The following RAB11FIP3 variants were observed in gnomAD, a reference collection of about 807,000 sequenced individuals.
The protein encoded by RAB11FIP3 is rab11 family-interacting protein 3.
RAB11FIP3 carries 17 observed loss-of-function variants against 77.8 expected under a neutral mutation model. The ratio of observed to expected loss-of-function variants is 0.22; its 90% CI spans 0.15 to 0.33. RAB11FIP3 has a LOEUF of 0.33. Among genes scored for constraint, RAB11FIP3 ranks in the 10% least tolerant of loss-of-function variants. The pLI, the probability that RAB11FIP3 is intolerant of heterozygous loss-of-function variation, is 1.00. For missense variants in RAB11FIP3, 1,005 were observed against 1,011.2 expected (o/e 0.99, Z 0.08); for synonymous variants, 437 against 448.2 (o/e 0.98, Z 0.31).
chr16:471,515 C>A lies in RAB11FIP3; in HGVS notation c.903+126C>A. On this transcript the variant is annotated intron_variant, in intron 3 of 13. Transcript: ENST00000262305. This position sits in a 1 kb window ranked among gnomAD's most constrained non-coding sequence, Gnocchi z 4.4. ...AAGCTGGCGTGAAGGAAGGGCCTCC[C>A]GCCCTGTGTGCACCGTGGGGCTCTG... 1.3e-6 allele frequency: 1 copy of A among 799,830 alleles called. No homozygotes were observed. The highest frequency in any genetic ancestry group is 2.1e-6 in the Non-Finnish European group (1 of 483,046). 49.5% of individuals were successfully genotyped at this position (799,830 alleles called of 1,614,324 possible).
Position 436,337 on chromosome 16 carries a change from A to C in RAB11FIP3, c.714+9617A>C, listed in dbSNP as rs7204572. 6.0e-3 allele frequency among the ~76,000 whole-genome samples: 917 copies of C among 152,100 alleles called. 15 individuals carry two copies. The highest frequency in any genetic ancestry group is 0.021 in the African/African-American group (868 of 41,522). ...GAAGAAGAAAAGAGATGGGATCTCA[A>C]TTTGTTGTCTAGGCTGGAGTGCAGT... On this transcript the variant is annotated intron_variant, in intron 1 of 13. Transcript: ENST00000262305.
At chr16:515,016 G>A (rs1185964185) in intron 9 of RAB11FIP3, among the ~76,000 whole-genome samples, 2 of 152,130 alleles carry the variant, frequency 1.3e-5, no homozygotes, top group Non-Finnish European at 2.9e-5. Context: ...AGACTCCCCT[G>A]AGCCTGATAA....
chr16:461,545 C>A lies in RAB11FIP3; in HGVS notation c.808+48C>A, dbSNP rs751610526. ...TCCCACCTCCTCTCCCGTTCCTCAG[C>A]CACCCTCTCAGCCACCTGCACATCA... On this transcript the variant is annotated intron_variant, in intron 2 of 13. Coordinates refer to ENST00000262305, the MANE Select transcript of RAB11FIP3 (RefSeq NM_014700.4). The surrounding 1 kb of genome is among the most constrained non-coding windows in gnomAD (Gnocchi z 4.5). The A allele has an allele frequency of 1.3e-6, 2 of 1,506,568 alleles. No individual in the cohort carries two copies. Among genetic ancestry groups the A allele is most frequent in the Admixed American group, 3.4e-5 (2 of 59,412 alleles). The allele number at this position is 1,506,568 out of a possible 1,614,324, so 93.3% of individuals were successfully genotyped here.
chr16:435,191 C>T (rs1190799650), intron 1 of RAB11FIP3, among the ~76,000 whole-genome samples: 4 of 144,938 alleles, frequency 2.8e-5, no homozygotes, highest in African/African-American at 5.3e-5. Flanking sequence ...GGCGACAGAG[C>T]GAGACTCCGT....
chr16:503,085 C>T lies in RAB11FIP3; in HGVS notation c.1383C>T (p.Asp461=). 2 of 1,611,660 alleles carry T rather than the reference C, an allele frequency of 1.2e-6. No individual in the cohort carries two copies. Among genetic ancestry groups the T allele is most frequent in the South Asian group, 1.1e-5 (1 of 90,938 alleles). ...SPELMEGPEE[D]IADKVVFLER... is the part of the protein sequence containing the mutation. ...AGCTCATGGAGGGCCCAGAGGAGGACATTGCTGACAAGGTAGGCCCTGGAG... is the reference window on the plus strand; with the variant it reads ...AGCTCATGGAGGGCCCAGAGGAGGATATTGCTGACAAGGTAGGCCCTGGAG... The change falls in exon 7 of 14, where the codon GAC becomes GAT. Residue 461 remains aspartate, a synonymous_variant. Coordinates refer to ENST00000262305, the MANE Select transcript of RAB11FIP3 (RefSeq NM_014700.4).
At chr16:484,420 C>G (rs1332389262) in intron 4 of RAB11FIP3, among the ~76,000 whole-genome samples, 1 of 151,914 alleles carries the variant, frequency 6.6e-6, no homozygotes, top group African/African-American at 2.4e-5. Context: ...GGTGCGATCT[C>G]AGCTCACTGC....
chr16:488,864 G>A lies in RAB11FIP3; in HGVS notation c.1129G>A (p.Gly377Ser). ...TTTACTTTGCAGGCCTCACCCCCATGGCCAGTCTGTCATCACGGTGATCGG... is the reference window on the plus strand; with the variant it reads ...TTTACTTTGCAGGCCTCACCCCCATAGCCAGTCTGTCATCACGGTGATCGG... ...LLLPGRPHPH[G>S]QSVITVIGGE... Residue 377 changes from glycine to serine, a missense_variant, in exon 5 of 14, where the codon GGC becomes AGC. By Grantham distance (56) the Gly-to-Ser change is moderately conservative. This residue lies in a region of RAB11FIP3 where 433 missense variants were observed against 436.1 expected (regional missense o/e 0.99). Transcript: ENST00000262305. 6.2e-7 allele frequency: 1 copy of A among 1,614,002 alleles called. No individual in the cohort carries two copies. Among genetic ancestry groups the A allele is most frequent in the Non-Finnish European group, 8.5e-7 (1 of 1,179,964 alleles).
Position 521,447 on chromosome 16 carries a change from C to T in RAB11FIP3, c.*608C>T, listed in dbSNP as rs183021296. 3.6e-3 allele frequency: 561 copies of T among 156,422 alleles called. 29 individuals are homozygous for T. The highest frequency in any genetic ancestry group is 0.032 in the Admixed American group (522 of 16,070). The allele number at this position is 156,422 out of a possible 1,614,324, so 9.7% of individuals were successfully genotyped here. On this transcript the variant is annotated 3_prime_UTR_variant, in exon 14 of 14. Coordinates refer to ENST00000262305, the MANE Select transcript of RAB11FIP3 (RefSeq NM_014700.4). ...GGGTGGGCAAGGCTGGTGCGTTCCC[C>T]AGCTCTCCCTACGCTGCTCGGGCCA...
intron 9 of RAB11FIP3, among the ~76,000 whole-genome samples, chr16:511,452 C>T (rs531164642): frequency 3.8e-5 from 5 of 132,860 alleles, no homozygotes; most frequent in South Asian, 5.3e-4. Context: ...CCCGACAGTC[C>T]GCCAACCCCA....
intron 5 of RAB11FIP3, among the ~76,000 whole-genome samples, chr16:492,899 A>G (rs1413894199): frequency 6.6e-6 from 1 of 152,190 alleles, no homozygotes; most frequent in Non-Finnish European, 1.5e-5. Flanking sequence ...GCTAAGTACA[A>G]CTAGCAAGTC....
intron 1 of RAB11FIP3, among the ~76,000 whole-genome samples, chr16:437,233 G>A (rs1039551771): frequency 8.6e-5 from 13 of 151,558 alleles, no homozygotes; most frequent in Non-Finnish European, 1.9e-4. Flanking sequence ...AGGCAAGATC[G>A]CGCCACTGCA....
At position 520,175 on chromosome 16, in the gene RAB11FIP3, G is replaced by A; in HGVS notation, c.1914G>A (p.Glu638=). Residue 638 remains glutamate, a synonymous_variant, in exon 12 of 14, where the codon GAG becomes GAA. Coordinates refer to ENST00000262305, the MANE Select transcript of RAB11FIP3 (RefSeq NM_014700.4). ...QLEHLQLLKL[E]AEQRRGRSSS... ...AGCACCTGCAGCTCCTCAAGCTGGAGGCCGAGCAGCGGCGGGGCCGCAGCA... is the reference window on the plus strand; with the variant it reads ...AGCACCTGCAGCTCCTCAAGCTGGAAGCCGAGCAGCGGCGGGGCCGCAGCA... 1 of 1,547,138 alleles carries A rather than the reference G, an allele frequency of 6.5e-7. No homozygotes were observed. The highest frequency in any genetic ancestry group is 8.7e-7 in the Non-Finnish European group (1 of 1,148,296).
chr16:438,561 A>G (rs1380241581), intron 1 of RAB11FIP3, among the ~76,000 whole-genome samples: 1 of 146,700 alleles, frequency 6.8e-6, no homozygotes, highest in Non-Finnish European at 1.5e-5. Flanking sequence ...GCACGCCACC[A>G]CGCCTGGCTA....
At chr16:427,390 A>G (rs1345309546) in intron 1 of RAB11FIP3, among the ~76,000 whole-genome samples, 1 of 152,238 alleles carries the variant, frequency 6.6e-6, no homozygotes, top group Non-Finnish European at 1.5e-5. Flanking sequence ...CGTTAGGGCC[A>G]CGTCCACTCT....
At chr16:497,335 A>G (rs1177994301) in intron 6 of RAB11FIP3, 2 of 1,304,114 alleles carry the variant, frequency 1.5e-6, no homozygotes, top group Non-Finnish European at 2.0e-6. Flanking sequence ...AGATGGCAAC[A>G]TACACTTTTA....
rs754236451 is a variant in RAB11FIP3, at chr16:482,498, G to A, written c.904-27G>A. The A allele has an allele frequency of 5.5e-5, 89 of 1,608,414 alleles. No individual in the cohort carries two copies. The South Asian group carries it at 6.7e-4, about 12-fold the overall frequency. On this transcript the variant is annotated intron_variant, in intron 3 of 13. Coordinates refer to ENST00000262305, the MANE Select transcript of RAB11FIP3 (RefSeq NM_014700.4). ...GCAGTTCCCCTCCCAGCTTGTGCCC[G>A]CTGACTGCTGGCGCACTCTCTCCTA...
At chr16:442,271 G>A (rs979105727) in intron 1 of RAB11FIP3, among the ~76,000 whole-genome samples, 1 of 152,230 alleles carries the variant, frequency 6.6e-6, no homozygotes, top group Non-Finnish European at 1.5e-5. Context: ...TCCTGCGTAG[G>A]TGGGACTCCT....
rs970060212 is a variant in RAB11FIP3 at position 520,250 on chromosome 16, G to A, written c.1989G>A (p.Leu663=). Residue 663 remains leucine, a synonymous_variant, in exon 12 of 14, where the codon CTG becomes CTA. Transcript: ENST00000262305. The part of the protein sequence containing the change: ...EYHSRARESE[L]EQEVRRLKQD... ...ACAGCCGCGCCCGGGAGAGCGAGCT[G>A]GAGCAGGAGGTCCGCAGGCTGAAGC... 2 of 1,547,152 alleles carry A rather than the reference G, an allele frequency of 1.3e-6. No homozygotes were observed. The highest frequency in any genetic ancestry group is 1.4e-5 in the African/African-American group (1 of 73,468).
chr16:506,133 C>T lies in RAB11FIP3; in HGVS notation c.1499+506C>T, dbSNP rs560372124. On this transcript the variant is annotated intron_variant, in intron 8 of 13. Transcript: ENST00000262305. This position sits in a 1 kb window ranked among gnomAD's most constrained non-coding sequence, Gnocchi z 4.5. ...GTGGGCAGGAGTGCTGGGGAGGAAG[C>T]GAAGTGTGACGCCGTGTTTGCAGAG... Among the ~76,000 whole-genome samples the T allele has an allele frequency of 4.9e-4, 75 of 152,246 alleles. No homozygotes were observed. Among genetic ancestry groups the T allele is most frequent in the African/African-American group, 1.7e-3 (71 of 41,556 alleles).
Sources: gnomAD v4.1 joint callset for allele counts (sites outside exome capture counted in the v4.1 genomes callset) on GRCh38, gnomAD v4.1.1 for gene constraint, gnomAD v4.1.1 regional missense constraint, Gnocchi (gnomAD v3.1) non-coding constraint, MANE v1.5 for transcripts, NCBI Gene and HGNC (gene_info 2026-07-23, HGNC 2026-07-21) for gene names.